Variants in NTM observed in about 807,000 individuals in gnomAD.
NTM encodes the protein IgLON family member 2.
A neutral mutation model predicts 42.1 loss-of-function variants in NTM; 13 were observed. The observed-to-expected ratio is 0.31, with a 90% CI of 0.20 to 0.49. The LOEUF (loss-of-function observed/expected upper bound fraction) is 0.49. NTM is among the 20% of genes least tolerant of loss of function. The pLI is 0.99. For synonymous variants in NTM, 187 were observed against 179.2 expected (o/e 1.04, Z -0.35); for missense variants, 373 against 452.8 (o/e 0.82, Z 1.60).
At chr11:132,058,513 T>G (rs2080089218) in intron 2 of NTM, among the ~76,000 whole-genome samples, 1 of 152,226 alleles carries the variant, frequency 6.6e-6, no homozygotes, top group Non-Finnish European at 1.5e-5. Flanking sequence ...AATGCTGTGT[T>G]GCTTCCAACC....
intron 2 of NTM, among the ~76,000 whole-genome samples, chr11:132,096,683 G>A (rs1489036342): frequency 6.6e-6 from 1 of 152,212 alleles, no homozygotes; most frequent in Non-Finnish European, 1.5e-5. Context: ...TCGGCCAGCA[G>A]AAGCGCTGAT....
intron 1 of NTM, among the ~76,000 whole-genome samples, chr11:131,907,572 A>G (rs2054046710): frequency 6.6e-6 from 1 of 152,238 alleles, no homozygotes; most frequent in Non-Finnish European, 1.5e-5. Flanking sequence ...CTGTCAGCAC[A>G]GAGACAAGCT....
At chr11:131,975,073 T>C (rs1302507864) in intron 2 of NTM, among the ~76,000 whole-genome samples, 1 of 152,212 alleles carries the variant, frequency 6.6e-6, no homozygotes, top group East Asian at 1.9e-4. Context: ...TGACCTATCT[T>C]GTGCCTTAAA....
chr11:131,818,879 C>G (rs73579953), intron 1 of NTM, among the ~76,000 whole-genome samples: 3 of 152,010 alleles, frequency 2.0e-5, no homozygotes, highest in African/African-American at 7.3e-5. Context: ...ATGCAGTACA[C>G]GGAAAAGGAA....
chr11:132,013,913 C>T (rs2518018), intron 2 of NTM, among the ~76,000 whole-genome samples: 74,814 of 151,798 alleles, frequency 0.49, 19,461 homozygotes, highest in East Asian at 0.82. Context: ...CTAGCCATTT[C>T]GAAATGTACA....
At chr11:132,045,862 T>G in intron 2 of NTM, among the ~76,000 whole-genome samples, 1 of 152,214 alleles carries the variant, frequency 6.6e-6, no homozygotes, top group East Asian at 1.9e-4. Context: ...TTTCTGAGCT[T>G]CTTCCATCTC....
At chr11:131,890,408 T>A (rs1676130027) in intron 1 of NTM, among the ~76,000 whole-genome samples, 1 of 152,220 alleles carries the variant, frequency 6.6e-6, no homozygotes, top group Non-Finnish European at 1.5e-5. Flanking sequence ...GGCAGCCTCC[T>A]GTAATAACCA....
intron 1 of NTM, among the ~76,000 whole-genome samples, chr11:131,425,323 A>G (rs1035927319): frequency 1.4e-4 from 21 of 152,142 alleles, no homozygotes; most frequent in Admixed American, 6.5e-5. Context: ...AAAACGCCCT[A>G]TAGTTCCTGC....
chr11:132,322,942 C>T (rs1173813495), intron 7 of NTM, among the ~76,000 whole-genome samples: 8 of 140,970 alleles, frequency 5.7e-5, no homozygotes, highest in Admixed American at 1.4e-4. Context: ...GGGTACATAA[C>T]GAAATGAAGG....
At chr11:131,489,095 C>T (rs1354687204) in intron 1 of NTM, among the ~76,000 whole-genome samples, 1 of 152,198 alleles carries the variant, frequency 6.6e-6, no homozygotes, top group East Asian at 1.9e-4. Context: ...GGTGGACCTT[C>T]CTCCGTGGCT....
At chr11:132,242,030 T>G (rs1328147041) in intron 4 of NTM, among the ~76,000 whole-genome samples, 1 of 152,256 alleles carries the variant, frequency 6.6e-6, no homozygotes, top group Non-Finnish European at 1.5e-5. Flanking sequence ...TGCTCAATTG[T>G]ACTTTGCAAT....
chr11:132,239,247 A>T (rs989813418), intron 4 of NTM, among the ~76,000 whole-genome samples: 1 of 152,172 alleles, frequency 6.6e-6, no homozygotes. Context: ...TTGGAATCCA[A>T]TCTAATGTTT....
intron 1 of NTM, among the ~76,000 whole-genome samples, chr11:131,390,544 G>A (rs901641741): frequency 6.6e-6 from 1 of 152,100 alleles, no homozygotes; most frequent in African/African-American, 2.4e-5. Context: ...TTAGCATTCA[G>A]TGATTTACTT....
chr11:132,219,937 T>A (rs2084798591), intron 4 of NTM, among the ~76,000 whole-genome samples: 1 of 152,340 alleles, frequency 6.6e-6, no homozygotes, highest in African/African-American at 2.4e-5. Context: ...AATGGATAGA[T>A]ATTCAAAGGT....
chr11:131,448,784 G>A (rs1950259131), intron 1 of NTM, among the ~76,000 whole-genome samples: 1 of 152,236 alleles, frequency 6.6e-6, no homozygotes, highest in Non-Finnish European at 1.5e-5. Context: ...CCAACCAACA[G>A]GCCAGTGATG....
intron 1 of NTM, among the ~76,000 whole-genome samples, chr11:131,800,637 A>C (rs2092022889): frequency 1.3e-5 from 2 of 152,230 alleles, no homozygotes. Context: ...TTTTGAATAC[A>C]ACAGCTTGAC....
chr11:131,936,011 T>TTATATATATATATA (rs559967974), intron 2 of NTM, among the ~76,000 whole-genome samples: 16 of 151,828 alleles, frequency 1.1e-4, no homozygotes, highest in African/African-American at 3.9e-4. Context: ...CATGGAAATT[T>TTATATATATATATA]TATATATATA....
At chr11:131,757,464 T>C (rs1035909773) in intron 1 of NTM, among the ~76,000 whole-genome samples, 2 of 152,192 alleles carry the variant, frequency 1.3e-5, no homozygotes, top group African/African-American at 4.8e-5. Flanking sequence ...AGGACTGATA[T>C]GTAGCTGCAC....
chr11:131,863,685 C>T (rs772300626), intron 1 of NTM, among the ~76,000 whole-genome samples: 10 of 152,174 alleles, frequency 6.6e-5, no homozygotes, highest in Non-Finnish European at 1.3e-4. Flanking sequence ...TCCACAAGAG[C>T]GGGATATGGA....
Sources: allele counts gnomAD v4.1 joint callset (sites outside exome capture counted in the v4.1 genomes callset), GRCh38; gene constraint gnomAD v4.1.1; transcripts MANE v1.5; gene names NCBI Gene and HGNC (gene_info 2026-07-23, HGNC 2026-07-21).